Variants in SARDH observed in about 807,000 individuals in gnomAD.
SARDH encodes the protein sarcosine dehydrogenase.
SARDH carries 95 observed loss-of-function variants against 109.1 expected under a neutral mutation model. That is an observed-to-expected ratio of 0.87 (90% CI 0.74 to 1.03). SARDH has a LOEUF of 1.03. Ranked by LOEUF, SARDH falls within the 50% of genes least tolerant of loss-of-function variation. The probability of loss-of-function intolerance (pLI) is 0.00; values close to 1 mark genes in which losing one functional copy is unlikely to be tolerated. For missense variants in SARDH, 1,267 were observed against 1,287.8 expected (o/e 0.98, Z 0.25); for synonymous variants, 572 against 534.8 (o/e 1.07, Z -0.96).
At chr9:133,660,489 T>C (rs988870019), downstream of SARDH, among the ~76,000 whole-genome samples, 3 of 152,174 alleles carry the variant, frequency 2.0e-5, no homozygotes, top group African/African-American at 7.2e-5. Context: ...GGAAGTGCTT[T>C]GTTACCTGAA....
In SARDH at chr9:133,691,747, C is replaced by T. The variant is rs182403709; in HGVS notation, c.1922-1220G>A. 3.2e-4 allele frequency among the ~76,000 whole-genome samples: 49 copies of T among 152,336 alleles called. 1 individual carries two copies. The Middle Eastern group carries it at 0.01, about 32-fold the overall frequency. Reference sequence around the variant, plus strand: ...GGGTAGGTAGCGCACGTATTCAACACGCGCATATTTAATGCCCATGCATAT... The same window carrying T: ...GGGTAGGTAGCGCACGTATTCAACATGCGCATATTTAATGCCCATGCATAT... On this transcript the variant is annotated intron_variant, in intron 15 of 20. Coordinates refer to ENST00000439388, the MANE Select transcript of SARDH (RefSeq NM_001134707.2).
intron 8 of SARDH, among the ~76,000 whole-genome samples, chr9:133,713,509 T>C (rs980273824): frequency 1.8e-4 from 27 of 152,234 alleles, no homozygotes; most frequent in African/African-American, 6.5e-4. Context: ...TCCTGCCCAC[T>C]GGACCTTGAG....
chr9:133,729,928 T>C (rs1250225063), intron 5 of SARDH, 63 bp from the exon 6 acceptor site: 1 of 1,596,532 alleles, frequency 6.3e-7, no homozygotes, highest in East Asian at 2.2e-5. Context: ...CTCTCAGGTG[T>C]GCACAGGCTG....
At chr9:133,668,172 C>G (rs1830140306) in intron 19 of SARDH, among the ~76,000 whole-genome samples, 1 of 151,824 alleles carries the variant, frequency 6.6e-6, no homozygotes, top group Admixed American at 6.5e-5. Flanking sequence ...TCTCCAGGAG[C>G]TGAGCTGATT....
In SARDH at chr9:133,693,067, G is replaced by A. The variant is rs1831160112; in HGVS notation, c.1921+1191C>T. On this transcript the variant is annotated intron_variant, in intron 15 of 20. Transcript: ENST00000439388. This position sits in a 1 kb window ranked among gnomAD's most constrained non-coding sequence, Gnocchi z 5.6. ...TGAGGAGCGCTGTCTTCCCACCCTG[G>A]CCCCCAATATCCCACCCCCTCCGGT... 6.6e-6 allele frequency among the ~76,000 whole-genome samples: 1 copy of A among 151,648 alleles called. No homozygotes were observed. Among genetic ancestry groups the A allele is most frequent in the Non-Finnish European group, 1.5e-5 (1 of 67,902 alleles).
intron 17 of SARDH, among the ~76,000 whole-genome samples, chr9:133,682,227 C>T (rs1159022350): frequency 6.6e-6 from 1 of 152,124 alleles, no homozygotes; most frequent in African/African-American, 2.4e-5. Flanking sequence ...ACTGGAGACG[C>T]AGCTGAGGGC....
chr9:133,675,504 T>A (rs922800118), intron 17 of SARDH, among the ~76,000 whole-genome samples: 1 of 152,092 alleles, frequency 6.6e-6, no homozygotes, highest in East Asian at 1.9e-4. Flanking sequence ...CCCATGAGGA[T>A]GACAATTATA....
At chr9:133,679,321 A>ATG (rs1179463604) in intron 17 of SARDH, among the ~76,000 whole-genome samples, 8 of 152,358 alleles carry the variant, frequency 5.3e-5, no homozygotes, top group African/African-American at 1.9e-4. Flanking sequence ...TCTGACTGGC[A>ATG]TGTCATAGTT....
intron 1 of SARDH, among the ~76,000 whole-genome samples, 165 bp from the exon 2 acceptor site, chr9:133,734,368 TTCATTCATTCAC>T (rs1270500117): frequency 2.0e-5 from 3 of 147,962 alleles, no homozygotes; most frequent in East Asian, 2.0e-4. Flanking sequence ...CATTCACTCA[TTCATTCATTCAC>T]TCATTCATTC....
At chr9:133,664,106 T>C in intron 20 of SARDH, 92 bp from the exon 21 acceptor site, 1 of 1,522,854 alleles carries the variant, frequency 6.6e-7, no homozygotes, top group Non-Finnish European at 8.9e-7. Flanking sequence ...GTCTTGGTCT[T>C]GCTACCTGCC....
intron 16 of SARDH, among the ~76,000 whole-genome samples, chr9:133,685,734 G>A (rs1305978891): frequency 3.3e-5 from 5 of 152,074 alleles, no homozygotes; most frequent in South Asian, 4.1e-4. Context: ...TGGTAGCCAC[G>A]GCCCGAGAGA....
chr9:133,731,191 AG>A (rs1200056838), intron 4 of SARDH, 113 bp downstream of exon 4: 2 of 1,389,728 alleles, frequency 1.4e-6, no homozygotes, highest in East Asian at 2.3e-5. Flanking sequence ...ACTGGCCCAA[AG>A]TCACACAGCA....
intron 13 of SARDH, among the ~76,000 whole-genome samples, chr9:133,699,224 T>C (rs967409659): frequency 2.0e-5 from 3 of 152,026 alleles, no homozygotes; most frequent in African/African-American, 7.2e-5. Flanking sequence ...TGCATGCCTG[T>C]AATCCCAGCT....
chr9:133,680,653 G>A (rs892774698), intron 17 of SARDH, among the ~76,000 whole-genome samples: 3 of 152,286 alleles, frequency 2.0e-5, no homozygotes, highest in African/African-American at 7.2e-5. Context: ...CACGCTCCTC[G>A]AGTCCCCGGC....
chr9:133,688,158 C>A (rs1455303432), intron 16 of SARDH, among the ~76,000 whole-genome samples: 1 of 152,054 alleles, frequency 6.6e-6, no homozygotes, highest in Non-Finnish European at 1.5e-5. Context: ...CCCTCTACCC[C>A]AGAGATGCGG....
At chr9:133,664,098 C>G in intron 20 of SARDH, 84 bp from the exon 21 acceptor site, 1 of 1,540,188 alleles carries the variant, frequency 6.5e-7, no homozygotes, top group Non-Finnish European at 8.8e-7. Flanking sequence ...AGGAGGGGGT[C>G]TTGGTCTTGC....
chr9:133,730,528 T>TAAAAAAA (rs33917417), intron 4 of SARDH, among the ~76,000 whole-genome samples: 1 of 142,642 alleles, frequency 7.0e-6, no homozygotes, highest in Non-Finnish European at 1.5e-5. Context: ...TACTGCTTGG[T>TAAAAAAA]AAAAAAAAAA....
chr9:133,662,251 G>A (rs1334405983), downstream of SARDH, among the ~76,000 whole-genome samples: 4 of 152,146 alleles, frequency 2.6e-5, 1 homozygote, highest in Non-Finnish European at 5.9e-5. This position sits in a 1 kb window ranked among gnomAD's most constrained non-coding sequence, Gnocchi z 5.1. Flanking sequence ...CTGCAGCCAC[G>A]AGAAACAATT....
At chr9:133,678,441 G>C (rs1830589202) in intron 17 of SARDH, among the ~76,000 whole-genome samples, 1 of 152,168 alleles carries the variant, frequency 6.6e-6, no homozygotes, top group Admixed American at 6.5e-5. Context: ...TCCCCAGATG[G>C]GTCATGGACA....
Sources: allele counts gnomAD v4.1 joint callset (sites outside exome capture counted in the v4.1 genomes callset), GRCh38; gene constraint gnomAD v4.1.1; non-coding constraint Gnocchi (gnomAD v3.1); transcripts MANE v1.5; gene names NCBI Gene and HGNC (gene_info 2026-07-23, HGNC 2026-07-21).